Variants in MAML1 observed in about 807,000 individuals in gnomAD.
MAML1 encodes mastermind-like protein 1.
Under a neutral mutation model 77.1 loss-of-function variants are expected in MAML1, and 14 were observed. That is an observed-to-expected ratio of 0.18 (90% CI 0.12 to 0.28). The LOEUF is 0.28. Ranked by LOEUF, MAML1 falls within the 10% of genes least tolerant of loss-of-function variation. MAML1 has a pLI of 1.00. For missense variants in MAML1, 1,217 were observed against 1,327.8 expected (o/e 0.92, Z 1.30); for synonymous variants, 516 against 551.9 (o/e 0.93, Z 0.91).
rs1779812189 is a variant in MAML1 at position 179,766,081 on chromosome 5, C to T, written c.1071C>T (p.Asp357=). 1 of 1,583,764 alleles carries T rather than the reference C, an allele frequency of 6.3e-7. No individual in the cohort carries two copies. Among genetic ancestry groups the T allele is most frequent in the Non-Finnish European group, 8.6e-7 (1 of 1,166,730 alleles). Residue 357 remains aspartate (D), a synonymous_variant, in exon 2 of 5, where the codon GAC becomes GAT. Coordinates refer to ENST00000292599, the MANE Select transcript of MAML1 (RefSeq NM_014757.5). This position sits in a 1 kb window ranked among gnomAD's most constrained non-coding sequence, Gnocchi z 4.0. The part of the protein sequence containing the change: ...LFHTSGQPRA[D]NPSPNLMPAS... ...ACACCTCTGGTCAGCCCCGGGCGGACAATCCCAGTCCAAACCTGATGCCGG... is the reference window on the plus strand; with the variant it reads ...ACACCTCTGGTCAGCCCCGGGCGGATAATCCCAGTCCAAACCTGATGCCGG...
At chr5:179,743,586 C>T (rs964327814) in intron 1 of MAML1, among the ~76,000 whole-genome samples, 1 of 150,892 alleles carries the variant, frequency 6.6e-6, no homozygotes, top group Non-Finnish European at 1.5e-5. Flanking sequence ...TAGCCAGCCT[C>T]GATCTCCTAA....
Position 179,775,221 on chromosome 5 carries a change from T to C in MAML1, c.*344T>C. 9.6e-7 allele frequency: 1 copy of C among 1,037,934 alleles called. No individual in the cohort carries two copies. The highest frequency in any genetic ancestry group is 1.2e-6 in the Non-Finnish European group (1 of 864,352). The allele number at this position is 1,037,934 out of a possible 1,614,324, so 64.3% of individuals were successfully genotyped here. A position where few individuals can be genotyped will look rare whatever the true frequency, so the allele number is the denominator to read the frequency against. On this transcript the variant is annotated 3_prime_UTR_variant, in exon 5 of 5. Coordinates refer to ENST00000292599, the MANE Select transcript of MAML1 (RefSeq NM_014757.5). ...GTCGGGCTTATAAAAATCTGTGCCA[T>C]CATGGTGATTTTATCCAAGACTGCT...
At position 179,774,941 on chromosome 5, in the gene MAML1, A is replaced by C. The variant is rs1756102292; in HGVS notation, c.*64A>C. The C allele has an allele frequency of 6.6e-7, 1 of 1,518,766 alleles. No homozygotes were observed. The highest frequency in any genetic ancestry group is 2.3e-5 in the East Asian group (1 of 44,092). 94.1% of individuals were successfully genotyped at this position (1,518,766 alleles called of 1,614,324 possible). A position where few individuals can be genotyped will look rare whatever the true frequency, so the allele number is the denominator to read the frequency against. ...ATATTTTTATTCTCAGATTCAAAGA[A>C]AGAGCAACTACTTTGGACCAAAAGC... On this transcript the variant is annotated 3_prime_UTR_variant, in exon 5 of 5. Transcript: ENST00000292599.
chr5:179,761,676 CAA>C (rs1779728876), intron 1 of MAML1, among the ~76,000 whole-genome samples: 1 of 151,988 alleles, frequency 6.6e-6, no homozygotes, highest in Admixed American at 6.6e-5. Flanking sequence ...GCCTGGGCAA[CAA>C]GAGTGAAACT....
chr5:179,765,809 A>G lies in MAML1; in HGVS notation c.799A>G (p.Met267Val), dbSNP rs1229772479. 1.2e-6 allele frequency: 2 copies of G among 1,614,086 alleles called. No homozygotes were observed. The highest frequency in any genetic ancestry group is 1.3e-5 in the African/African-American group (1 of 74,928). The change falls in exon 2 of 5, where the codon ATG (methionine) becomes GTG (valine). Residue 267 changes from methionine to valine, a missense_variant. Transcript: ENST00000292599. ...ELNRSVPDED[M>V]KDLFNEDFEE... ...GAACAGGTCGGTGCCCGATGAAGACATGAAGGACCTGTTTAATGAGGACTT... is the reference window on the plus strand; with the variant it reads ...GAACAGGTCGGTGCCCGATGAAGACGTGAAGGACCTGTTTAATGAGGACTT...
intron 1 of MAML1, among the ~76,000 whole-genome samples, chr5:179,760,829 T>C (rs950342173): frequency 6.6e-5 from 10 of 152,254 alleles, no homozygotes; most frequent in South Asian, 2.1e-4. Flanking sequence ...CAGTGGCTCA[T>C]GCCTGTAATC....
chr5:179,773,780 C>T (rs143832404), intron 4 of MAML1, 115 bp from the exon 5 acceptor site: 17,591 of 1,504,162 alleles, frequency 0.012, 107 homozygotes, highest in Non-Finnish European at 0.014. Context: ...CCATGGCCCC[C>T]GGGGCCCTCT....
chr5:179,766,317 C>G lies in MAML1; in HGVS notation c.1307C>G (p.Ser436Cys), dbSNP rs1417752089. The change falls in exon 2 of 5, where the codon TCC (serine) becomes TGC (cysteine). Residue 436 changes from serine to cysteine, a missense_variant. Physicochemically the swap from Ser to Cys is moderately radical, Grantham distance 112. Around this residue, in one of 3 missense-constraint regions of MAML1, gnomAD observed 884 missense variants for 949.3 expected, o/e 0.93. Transcript: ENST00000292599. The surrounding 1 kb of genome is among the most constrained non-coding windows in gnomAD (Gnocchi z 4.0). ...TCCACATGGCAGCAGACGGGGCCCT[C>G]CCACAGTTCCTTAGATGTCCCTTAC... ...QMSTWQQTGP[S>C]HSSLDVPYPM... 1.2e-6 allele frequency: 2 copies of G among 1,610,698 alleles called. No individual in the cohort carries two copies. The highest frequency in any genetic ancestry group is 1.7e-6 in the Non-Finnish European group (2 of 1,178,368).
At chr5:179,743,345 C>A (rs1183040065) in intron 1 of MAML1, among the ~76,000 whole-genome samples, 2 of 150,318 alleles carry the variant, frequency 1.3e-5, no homozygotes, top group African/African-American at 4.9e-5. Flanking sequence ...AGCCACCATG[C>A]CCGACCCCCT....
At chr5:179,741,620 A>G (rs1674348303) in intron 1 of MAML1, among the ~76,000 whole-genome samples, 1 of 139,828 alleles carries the variant, frequency 7.2e-6, no homozygotes, top group Non-Finnish European at 1.5e-5. Flanking sequence ...CAGGAGGTCG[A>G]GGTTGTCGTG....
rs1036150114 is a variant in MAML1 at position 179,732,845 on chromosome 5, G to A, written c.-268G>A. The A allele has an allele frequency of 1.3e-5, 3 of 225,878 alleles. No homozygotes were observed. Among genetic ancestry groups the A allele is most frequent in the Non-Finnish European group, 1.7e-5 (2 of 116,738 alleles). The allele number at this position is 225,878 out of a possible 1,614,324, so 14.0% of individuals were successfully genotyped here. A position where few individuals can be genotyped will look rare whatever the true frequency, so the allele number is the denominator to read the frequency against. The stretch of plus-strand genomic sequence containing the variant: ...CCGAGAGGCCCGAAAACAATTTTAA[G>A]ATGGCGGCCGCGGCGGTAGCGCGGA... On this transcript the variant is annotated 5_prime_UTR_variant, in exon 1 of 5. Transcript: ENST00000292599.
chr5:179,773,873 C>T (rs1282068107), intron 4 of MAML1, 22 bp from the exon 5 acceptor site: 8 of 1,595,166 alleles, frequency 5.0e-6, no homozygotes, highest in Admixed American at 1.7e-5. Context: ...TCCTGACTGC[C>T]AGACTCTTCT....
intron 1 of MAML1, among the ~76,000 whole-genome samples, chr5:179,762,396 C>T (rs902728499): frequency 1.3e-5 from 2 of 151,650 alleles, no homozygotes; most frequent in Middle Eastern, 3.4e-3. Flanking sequence ...GGCCTCCCAG[C>T]GAGGGAGCTG....
At chr5:179,740,452 T>C (rs1401377298) in intron 1 of MAML1, among the ~76,000 whole-genome samples, 1 of 152,086 alleles carries the variant, frequency 6.6e-6, no homozygotes, top group East Asian at 1.9e-4. Context: ...TTTGTATTTT[T>C]TTTTTTAGTA....
intron 1 of MAML1, among the ~76,000 whole-genome samples, chr5:179,750,734 T>C (rs1419985446): frequency 2.0e-5 from 3 of 152,156 alleles, no homozygotes; most frequent in Non-Finnish European, 2.9e-5. Context: ...AGTGCTGGGA[T>C]TACAGGCCTG....
chr5:179,742,092 C>G (rs979929584), intron 1 of MAML1, among the ~76,000 whole-genome samples: 10 of 151,356 alleles, frequency 6.6e-5, no homozygotes. Flanking sequence ...AGATTGGTCT[C>G]GAACTCCTGA....
At chr5:179,747,163 C>G (rs1432197380) in intron 1 of MAML1, among the ~76,000 whole-genome samples, 4 of 152,206 alleles carry the variant, frequency 2.6e-5, no homozygotes, top group African/African-American at 9.7e-5. Flanking sequence ...GGCTTTCACA[C>G]TTTTAATTAG....
intron 1 of MAML1, among the ~76,000 whole-genome samples, chr5:179,739,939 T>G (rs1779248683): frequency 6.6e-6 from 1 of 152,158 alleles, no homozygotes; most frequent in South Asian, 2.1e-4. Context: ...TAGGACAAAT[T>G]AAAATTCTGC....
Position 179,775,767 on chromosome 5 carries a change from T to G in MAML1, c.*890T>G. 1.0e-6 allele frequency: 1 copy of G among 985,540 alleles called. No individual in the cohort carries two copies. The highest frequency in any genetic ancestry group is 1.2e-6 in the Non-Finnish European group (1 of 829,970). The allele number at this position is 985,540 out of a possible 1,614,324, so 61.0% of individuals were successfully genotyped here. On this transcript the variant is annotated 3_prime_UTR_variant, in exon 5 of 5. Transcript: ENST00000292599. ...GCCCATGGTGGGAGCGTGGTCACTG[T>G]GCAGTTGTGCACAGATGTCTTTCCT... is the stretch of plus-strand genomic sequence containing the variant.
Sources: allele counts gnomAD v4.1 joint callset (sites outside exome capture counted in the v4.1 genomes callset), GRCh38; gene constraint gnomAD v4.1.1; regional missense constraint gnomAD v4.1.1; non-coding constraint Gnocchi (gnomAD v3.1); transcripts MANE v1.5; gene names NCBI Gene and HGNC (gene_info 2026-07-23, HGNC 2026-07-21).